FOXP4: variants seen among roughly 807,000 people sequenced by gnomAD.
FOXP4 encodes the protein forkhead box P4.
In FOXP4, 25 loss-of-function variants were observed where a neutral mutation model predicts 82.6. That is an observed-to-expected ratio of 0.30 (90% CI 0.22 to 0.42). The LOEUF is 0.42. FOXP4 is among the 10% of genes least tolerant of loss of function. The pLI, the probability that FOXP4 is intolerant of heterozygous loss-of-function variation, is 1.00. For synonymous variants in FOXP4, 415 were observed against 388.2 expected (o/e 1.07, Z -0.81); for missense variants, 785 against 900.9 (o/e 0.87, Z 1.65).
chr6:41,569,426 A>G (rs1765059805), intron 2 of FOXP4, among the ~76,000 whole-genome samples: 1 of 152,228 alleles, frequency 6.6e-6, no homozygotes, highest in Non-Finnish European at 1.5e-5. Context: ...CTTTTCTTCG[A>G]AAGTTGCCCT....
Position 41,591,240 on chromosome 6 carries a change from A to C in FOXP4, c.1454A>C (p.Asp485Ala), listed in dbSNP as rs888453707. The C allele has an allele frequency of 1.2e-6, 2 of 1,609,908 alleles. No homozygotes were observed. The highest frequency in any genetic ancestry group is 1.7e-6 in the Non-Finnish European group (2 of 1,178,130). ...CCGCAGGCCATCCTGGAAACCCCTG[A>C]CAGGCAGCTGACCCTGAATGAGATC... ...LIRQAILETP[D>A]RQLTLNEIYN... is the part of the protein sequence containing the mutation. Residue 485 changes from aspartate (D) to alanine (A), a missense_variant, in exon 13 of 17, where the codon GAC (aspartate) becomes GCC (alanine). By Grantham distance (126) the Asp-to-Ala change is moderately radical (BLOSUM62 -2). Around this residue, in one of 3 missense-constraint regions of FOXP4, gnomAD observed 570 missense variants for 634.0 expected, o/e 0.90. Coordinates refer to ENST00000307972, the MANE Select transcript of FOXP4 (RefSeq NM_001012426.2). The surrounding 1 kb of genome is among the most constrained non-coding windows in gnomAD (Gnocchi z 4.2).
intron 1 of FOXP4, among the ~76,000 whole-genome samples, chr6:41,557,406 A>C (rs1338390499): frequency 6.6e-6 from 1 of 152,206 alleles, no homozygotes; most frequent in Non-Finnish European, 1.5e-5. Context: ...CTATGCAACT[A>C]GTCAAAAATG....
intron 2 of FOXP4, among the ~76,000 whole-genome samples, chr6:41,570,891 G>A (rs1164278093): frequency 1.3e-5 from 2 of 152,166 alleles, no homozygotes; most frequent in Non-Finnish European, 2.9e-5. Context: ...TTTCCCCTGG[G>A]GGAGCACCTT....
chr6:41,585,377 G>A, intron 4 of FOXP4, 54 bp from the exon 5 acceptor site: 1 of 1,578,994 alleles, frequency 6.3e-7, no homozygotes, highest in Admixed American at 1.7e-5. Context: ...GACAGGGCTG[G>A]GGTTGTGGGG....
chr6:41,561,869 C>T (rs1764600476), intron 1 of FOXP4, among the ~76,000 whole-genome samples: 1 of 152,230 alleles, frequency 6.6e-6, no homozygotes, highest in Non-Finnish European at 1.5e-5. Flanking sequence ...AGAGGATTCA[C>T]AATGGTGTGT....
At position 41,584,209 on chromosome 6, in the gene FOXP4, G is replaced by A. The variant is rs557632631; in HGVS notation, c.301-560G>A. On this transcript the variant is annotated intron_variant, in intron 3 of 16. Transcript: ENST00000307972. ...TGTGCCGTCCAGGCAGGTGTGCCGG[G>A]GTGTGTGAGAGGAGACAAAGTGCAG... 8.1e-4 allele frequency among the ~76,000 whole-genome samples: 124 copies of A among 152,362 alleles called. No individual in the cohort carries two copies. In the South Asian group the frequency reaches 9.3e-3, roughly 11 times the overall value.
At chr6:41,579,680 GA>G (rs1159959250) in intron 3 of FOXP4, among the ~76,000 whole-genome samples, 1 of 152,206 alleles carries the variant, frequency 6.6e-6, no homozygotes, top group Non-Finnish European at 1.5e-5. Context: ...TCCAAAATAA[GA>G]GAGGCCTAGA....
In FOXP4 at chr6:41,558,116, G is replaced by A. The variant is rs956086549; in HGVS notation, c.-16-7629G>A. 1.1e-4 allele frequency among the ~76,000 whole-genome samples: 16 copies of A among 152,272 alleles called. No homozygotes were observed. Among genetic ancestry groups the A allele is most frequent in the Admixed American group, 6.5e-4 (10 of 15,292 alleles). On this transcript the variant is annotated intron_variant, in intron 1 of 16. Coordinates refer to ENST00000307972, the MANE Select transcript of FOXP4 (RefSeq NM_001012426.2). This position sits in a 1 kb window ranked among gnomAD's most constrained non-coding sequence, Gnocchi z 4.0. Reference sequence around the variant, plus strand: ...ATGGGGGTACAGAGGGAAGTCCAGCGTGCCAGCCTCTGACCCACACAATGA... The same window carrying A: ...ATGGGGGTACAGAGGGAAGTCCAGCATGCCAGCCTCTGACCCACACAATGA...
intron 2 of FOXP4, among the ~76,000 whole-genome samples, chr6:41,575,702 C>A (rs1765442927): frequency 6.6e-6 from 1 of 150,744 alleles, no homozygotes; most frequent in Admixed American, 6.6e-5. Flanking sequence ...CTGGCCACCC[C>A]CCACCCCACC....
At chr6:41,563,243 T>G (rs1764690065) in intron 1 of FOXP4, among the ~76,000 whole-genome samples, 1 of 152,156 alleles carries the variant, frequency 6.6e-6, no homozygotes, top group Non-Finnish European at 1.5e-5. Context: ...GTGGACCCCT[T>G]GCTGTTCTCT....
At chr6:41,554,720 C>T (rs1418197829) in intron 1 of FOXP4, among the ~76,000 whole-genome samples, 3 of 152,040 alleles carry the variant, frequency 2.0e-5, no homozygotes, top group Non-Finnish European at 2.9e-5. Context: ...GTTAGCCGGG[C>T]GTGGTGGCAG....
chr6:41,596,834 C>T (rs1194200027), intron 14 of FOXP4, among the ~76,000 whole-genome samples: 1 of 151,982 alleles, frequency 6.6e-6, no homozygotes, highest in Non-Finnish European at 1.5e-5. Flanking sequence ...ATTGGAAAAT[C>T]TAGACCGGAG....
At chr6:41,563,965 T>C (rs919703146) in intron 1 of FOXP4, among the ~76,000 whole-genome samples, 1 of 152,144 alleles carries the variant, frequency 6.6e-6, no homozygotes, top group African/African-American at 2.4e-5. Flanking sequence ...CAATCCCCCA[T>C]AGGTGCCAAG....
At chr6:41,547,515 G>A (rs1763713938) in intron 1 of FOXP4, 2 of 152,346 alleles carry the variant, frequency 1.3e-5, no homozygotes, top group Non-Finnish European at 1.5e-5. Flanking sequence ...TCGCACCTCG[G>A]AAGTGCCAGG....
chr6:41,574,298 GAGCAGTCAGAGGTGTT>G (rs1189541013), intron 2 of FOXP4, among the ~76,000 whole-genome samples: 1 of 152,188 alleles, frequency 6.6e-6, no homozygotes, highest in Admixed American at 6.5e-5. Context: ...AGTAAGCCCT[GAGCAGTCAGAGGTGTT>G]TGGACTCTGC....
intron 5 of FOXP4, 61 bp downstream of exon 5, chr6:41,585,578 G>C: frequency 6.7e-7 from 1 of 1,496,860 alleles, no homozygotes; most frequent in Middle Eastern, 1.7e-4. Context: ...TGGGTGTCCA[G>C]AGCTGGTCAG....
intron 1 of FOXP4, among the ~76,000 whole-genome samples, chr6:41,564,169 C>A (rs1764745473): frequency 6.6e-6 from 1 of 152,192 alleles, no homozygotes; most frequent in Admixed American, 6.5e-5. Context: ...GATATTGGAA[C>A]CTTGTCAGGT....
At chr6:41,592,110 G>A (rs1441396917) in intron 13 of FOXP4, among the ~76,000 whole-genome samples, 2 of 152,082 alleles carry the variant, frequency 1.3e-5, no homozygotes, top group African/African-American at 2.4e-5. Context: ...AAGGTTAGAC[G>A]CGGGGAAGGA....
rs1436833051 is a variant in FOXP4 at position 41,591,027 on chromosome 6, G to T, written c.1435-194G>T. Among the ~76,000 whole-genome samples, 3 of 152,190 alleles carry T rather than the reference G, an allele frequency of 2.0e-5. No individual in the cohort carries two copies. The highest frequency in any genetic ancestry group is 4.4e-5 in the Non-Finnish European group (3 of 68,038). On this transcript the variant is annotated intron_variant, in intron 12 of 16. Transcript: ENST00000307972. The surrounding 1 kb of genome is among the most constrained non-coding windows in gnomAD (Gnocchi z 4.2). ...TCCTGCCCTCTTTATCCTTGGCCAAGCTATAACCAGCCTGTCCCTCTGAGG... is the reference window on the plus strand; with the variant it reads ...TCCTGCCCTCTTTATCCTTGGCCAATCTATAACCAGCCTGTCCCTCTGAGG...
Sources: allele counts gnomAD v4.1 joint callset (sites outside exome capture counted in the v4.1 genomes callset), GRCh38; gene constraint gnomAD v4.1.1; regional missense constraint gnomAD v4.1.1; non-coding constraint Gnocchi (gnomAD v3.1); transcripts MANE v1.5; gene names NCBI Gene and HGNC (gene_info 2026-07-23, HGNC 2026-07-21).